Variants in GLG1 observed in about 807,000 individuals in gnomAD.
GLG1 encodes golgi glycoprotein 1.
In GLG1, 38 loss-of-function variants were observed where a neutral mutation model predicts 160.5. The ratio of observed to expected loss-of-function variants is 0.24; its 90% CI spans 0.18 to 0.31. The LOEUF is 0.31. Ranked by LOEUF, GLG1 falls within the 10% of genes least tolerant of loss-of-function variation. GLG1 has a pLI of 1.00. For synonymous variants in GLG1, 644 were observed against 543.4 expected, an observed-to-expected ratio of 1.19 and a Z score of -2.57; for missense variants, 1,373 against 1,505.2, an observed-to-expected ratio of 0.91 and a Z score of 1.45.
intron 8 of GLG1, among the ~76,000 whole-genome samples, chr16:74,490,149 G>A (rs1022783233): frequency 6.6e-6 from 1 of 152,156 alleles, no homozygotes; most frequent in Admixed American, 6.5e-5. Flanking sequence ...GGTACGTTAA[G>A]TTGCTCTAAG....
chr16:74,589,390 G>T (rs1025072991), intron 1 of GLG1, among the ~76,000 whole-genome samples: 1 of 152,194 alleles, frequency 6.6e-6, no homozygotes. Context: ...GCCTAAAGCA[G>T]ACCTAGCTGG....
At chr16:74,506,567 G>A (rs1240851478) in intron 3 of GLG1, among the ~76,000 whole-genome samples, 2 of 75,954 alleles carry the variant, frequency 2.6e-5, no homozygotes, top group African/African-American at 1.0e-4. Context: ...GGGTTACAGA[G>A]CAAGACTCCG....
chr16:74,516,143 C>T (rs2016970961), intron 2 of GLG1, among the ~76,000 whole-genome samples: 1 of 151,608 alleles, frequency 6.6e-6, no homozygotes, highest in African/African-American at 2.4e-5. Context: ...TTAGACAGAT[C>T]AACGAGACAG....
chr16:74,513,634 G>C (rs1347179335), intron 2 of GLG1, among the ~76,000 whole-genome samples: 1 of 152,124 alleles, frequency 6.6e-6, no homozygotes, highest in African/African-American at 2.4e-5. Flanking sequence ...TCCACACCAA[G>C]ACCCCATTCG....
intron 6 of GLG1, among the ~76,000 whole-genome samples, chr16:74,493,936 A>G (rs186176949): frequency 6.6e-6 from 1 of 152,282 alleles, no homozygotes; most frequent in East Asian, 1.9e-4. Flanking sequence ...ATAAAACCAC[A>G]GTGAGAGGCG....
chr16:74,535,231 C>G (rs891359385), intron 1 of GLG1, among the ~76,000 whole-genome samples: 1 of 152,050 alleles, frequency 6.6e-6, no homozygotes, highest in African/African-American at 2.4e-5. Flanking sequence ...AATATCAAAG[C>G]CTTTAAATTA....
intron 1 of GLG1, among the ~76,000 whole-genome samples, chr16:74,588,724 T>C (rs1958105180): frequency 6.6e-6 from 1 of 152,108 alleles, no homozygotes. Flanking sequence ...TGGCCTGTTC[T>C]TAACATTATG....
intron 4 of GLG1, among the ~76,000 whole-genome samples, 161 bp downstream of exon 4, chr16:74,503,370 C>T (rs1370375925): frequency 1.3e-5 from 2 of 152,144 alleles, no homozygotes; most frequent in African/African-American, 4.8e-5. Context: ...ACATGAAATA[C>T]ATTGTCAACC....
intron 1 of GLG1, among the ~76,000 whole-genome samples, chr16:74,584,432 G>A (rs1023909763): frequency 6.6e-6 from 1 of 151,878 alleles, no homozygotes; most frequent in Non-Finnish European, 1.5e-5. Flanking sequence ...CCATCTCTTA[G>A]GGTATCTTTC....
chr16:74,545,130 G>C (rs2018011468), intron 1 of GLG1, among the ~76,000 whole-genome samples: 1 of 152,034 alleles, frequency 6.6e-6, no homozygotes, highest in East Asian at 1.9e-4. Context: ...AGGAAATTCT[G>C]GTGGAAAGAT....
intron 1 of GLG1, among the ~76,000 whole-genome samples, chr16:74,595,522 G>A (rs1412085225): frequency 5.9e-5 from 9 of 152,194 alleles, no homozygotes; most frequent in African/African-American, 2.2e-4. Flanking sequence ...GGGCGACAGA[G>A]CAAGACTCCG....
rs371676824 is a variant in GLG1 at position 74,494,830 on chromosome 16, G to A, written c.980C>T (p.Thr327Ile). The change falls in exon 6 of 26, where the codon ACA (threonine) becomes ATA (isoleucine). Residue 327 changes from threonine (T) to isoleucine (I), a missense_variant and splice_region_variant. Thr to Ile is a moderately conservative substitution (Grantham distance 89). Coordinates refer to ENST00000422840, the MANE Select transcript of GLG1 (RefSeq NM_001145667.2). ...RDDRERFCEN[T>I]QAGEGRVYKC... ...ATACACTCTGCCCTCACCAGCTTGT[G>A]TCTATAAGATGGAACATACACATTA... 6 of 1,443,232 alleles carry A rather than the reference G, an allele frequency of 4.2e-6. No homozygotes were observed. The highest frequency in any genetic ancestry group is 4.5e-5 in the East Asian group (2 of 44,042). 89.4% of individuals were successfully genotyped at this position (1,443,232 alleles called of 1,614,324 possible).
chr16:74,452,259 T>C lies in GLG1; in HGVS notation c.*908A>G. 4 of 1,498,878 alleles carry C rather than the reference T, an allele frequency of 2.7e-6. No individual in the cohort carries two copies. The highest frequency in any genetic ancestry group is 2.5e-5 in the East Asian group (1 of 40,372). The allele number at this position is 1,498,878 out of a possible 1,614,324, so 92.8% of individuals were successfully genotyped here. A position where few individuals can be genotyped will look rare whatever the true frequency, so the allele number is the denominator to read the frequency against. On this transcript the variant is annotated 3_prime_UTR_variant, in exon 26 of 26. Transcript: ENST00000422840. Reference sequence around the variant, plus strand: ...CTGATGAAGCGCAGAGCTTCCAGAGTGACTGTAGCCTCAGCAGGGCCGGTC... The same window carrying C: ...CTGATGAAGCGCAGAGCTTCCAGAGCGACTGTAGCCTCAGCAGGGCCGGTC...
chr16:74,583,958 A>C (rs1039486280), intron 1 of GLG1, among the ~76,000 whole-genome samples: 2 of 152,152 alleles, frequency 1.3e-5, no homozygotes, highest in Admixed American at 1.3e-4. Flanking sequence ...AAAGCACTGT[A>C]AATTTTTCCT....
intron 2 of GLG1, among the ~76,000 whole-genome samples, chr16:74,516,943 G>A (rs1051438001): frequency 6.6e-6 from 1 of 152,128 alleles, no homozygotes; most frequent in Non-Finnish European, 1.5e-5. Flanking sequence ...AAATAAACTA[G>A]AAAATCTAGA....
chr16:74,532,196 ATAT>A (rs760601438), intron 1 of GLG1, 43 bp from the exon 2 acceptor site: 940 of 224,808 alleles, frequency 4.2e-3, no homozygotes, highest in Admixed American at 0.014. Flanking sequence ...AAAAAAAAAT[ATAT>A]ATATATATAT....
chr16:74,585,131 CAGTG>C (rs5817918), intron 1 of GLG1, among the ~76,000 whole-genome samples: 151,522 of 152,256 alleles, frequency 1, 75,404 homozygotes, highest in Middle Eastern at 1. Flanking sequence ...TGACCAGGCA[CAGTG>C]AGTGACTCAT....
At chr16:74,510,129 T>A (rs1444770054) in intron 2 of GLG1, among the ~76,000 whole-genome samples, 1 of 151,736 alleles carries the variant, frequency 6.6e-6, no homozygotes. Flanking sequence ...CCTCCCAGGT[T>A]CAAGCAATTC....
At chr16:74,523,130 A>C (rs1385878566) in intron 2 of GLG1, among the ~76,000 whole-genome samples, 1 of 152,212 alleles carries the variant, frequency 6.6e-6, no homozygotes, top group East Asian at 1.9e-4. Flanking sequence ...GGAGCACAAG[A>C]GATACTTTAA....
Sources: allele counts gnomAD v4.1 joint callset (sites outside exome capture counted in the v4.1 genomes callset), GRCh38; gene constraint gnomAD v4.1.1; transcripts MANE v1.5; gene names NCBI Gene and HGNC (gene_info 2026-07-23, HGNC 2026-07-21).